TENM2: variants seen among roughly 807,000 people sequenced by gnomAD.
The protein encoded by TENM2 is teneurin-2.
Under a neutral mutation model 245.2 loss-of-function variants are expected in TENM2, and 52 were observed. That is an observed-to-expected ratio of 0.21 (90% confidence interval 0.17 to 0.27). The LOEUF (loss-of-function observed/expected upper bound fraction) is 0.27. Among genes scored for constraint, TENM2 ranks in the 10% least tolerant of loss-of-function variants. TENM2 has a pLI of 1.00. For missense variants in TENM2, 3,046 were observed against 3,666.8 expected, an observed-to-expected ratio of 0.83 and a Z score of 4.37; for synonymous variants, 1,363 against 1,438.9, an observed-to-expected ratio of 0.95 and a Z score of 1.19.
At chr5:168,012,340 A>T (rs1269004172) in intron 5 of TENM2, among the ~76,000 whole-genome samples, 1 of 152,124 alleles carries the variant, frequency 6.6e-6, no homozygotes, top group Non-Finnish European at 1.5e-5. Flanking sequence ...AAAAAGAAAT[A>T]CACTTCAAAA....
Position 167,755,236 on chromosome 5 carries a change from C to G in TENM2, c.503-120750C>G, listed in dbSNP as rs762703457. On this transcript the variant is annotated intron_variant, in intron 2 of 28. Transcript: ENST00000518659. ...CATGCAGATGGGGTTTTGCAAGCAC[C>G]TGTCCTCACTGACAGGGTAGTTGGA... 4.2e-6 allele frequency: 6 copies of G among 1,429,018 alleles called. No individual in the cohort carries two copies. In the East Asian group the frequency reaches 1.4e-4, roughly 33 times the overall value. 88.5% of individuals were successfully genotyped at this position (1,429,018 alleles called of 1,614,324 possible).
chr5:168,218,880 C>A lies in TENM2; in HGVS notation c.4989C>A (p.Thr1663=), dbSNP rs747919906. The A allele has an allele frequency of 1.2e-6, 2 of 1,613,956 alleles. No individual in the cohort carries two copies. The highest frequency in any genetic ancestry group is 1.7e-5 in the Admixed American group (1 of 60,018). The change falls in exon 23 of 29, where the codon ACC becomes ACA. Residue 1663 remains threonine, a synonymous_variant. Coordinates refer to ENST00000518659, the Ensembl canonical transcript of TENM2. The surrounding 1 kb of genome is among the most constrained non-coding windows in gnomAD (Gnocchi z 5.2). ...AGATCATCACCCTCACCGTGGGCAC[C>A]AATGGAGGCCTCAAAGTCGTGTCCA...
At chr5:167,140,594 A>C in the TENM2 span, among the ~76,000 whole-genome samples, 1 of 152,192 alleles carries the variant, frequency 6.6e-6, no homozygotes, top group Admixed American at 6.5e-5. Flanking sequence ...AAACTGACAT[A>C]ATGCTGAACT....
At chr5:168,076,617 T>G (rs1791501538) in intron 7 of TENM2, among the ~76,000 whole-genome samples, 1 of 152,218 alleles carries the variant, frequency 6.6e-6, no homozygotes, top group Non-Finnish European at 1.5e-5. Flanking sequence ...GAACCTTGTC[T>G]GTATCATTCA....
At chr5:167,798,660 G>A (rs1040867244) in intron 2 of TENM2, among the ~76,000 whole-genome samples, 5 of 152,130 alleles carry the variant, frequency 3.3e-5, no homozygotes, top group Non-Finnish European at 2.9e-5. Context: ...GCCTAGGGCC[G>A]GCCCTGCTTC....
At chr5:168,066,881 T>G (rs1790554966) in intron 7 of TENM2, among the ~76,000 whole-genome samples, 1 of 152,218 alleles carries the variant, frequency 6.6e-6, no homozygotes, top group Admixed American at 6.5e-5. Context: ...CTGACCTGGC[T>G]ACAGTGCTAG....
rs536259917 is a variant in TENM2, at chr5:167,670,292, T to C, written c.503-205694T>C. On this transcript the variant is annotated intron_variant, in intron 2 of 28. Coordinates refer to ENST00000518659, the Ensembl canonical transcript of TENM2. Reference sequence around the variant, plus strand: ...TCTTTGAAATTTTAAGGATCAAAACTCCCAAGGTGTCCAGAGATAAGTACA... The same window carrying C: ...TCTTTGAAATTTTAAGGATCAAAACCCCCAAGGTGTCCAGAGATAAGTACA... Among the ~76,000 whole-genome samples, 11 of 152,276 alleles carry C rather than the reference T, an allele frequency of 7.2e-5. No homozygotes were observed. In the South Asian group the frequency reaches 2.1e-3, roughly 29 times the overall value.
At chr5:166,993,253 T>A in the TENM2 span, among the ~76,000 whole-genome samples, 3 of 152,048 alleles carry the variant, frequency 2.0e-5, no homozygotes, top group African/African-American at 7.2e-5. Flanking sequence ...TGCAGAGCTA[T>A]TTTATGGATA....
At chr5:167,053,660 T>C in the TENM2 span, among the ~76,000 whole-genome samples, 1 of 152,084 alleles carries the variant, frequency 6.6e-6, no homozygotes, top group Non-Finnish European at 1.5e-5. Flanking sequence ...CACTTGACTT[T>C]AGGAGTTTGA....
the TENM2 span, among the ~76,000 whole-genome samples, chr5:167,240,258 C>CTT: frequency 2.1e-5 from 3 of 141,660 alleles, no homozygotes; most frequent in South Asian, 2.2e-4. Context: ...GGTAGGTGGC[C>CTT]TTTTTTTTTT....
At chr5:167,468,462 G>A (rs1766809409) in intron 2 of TENM2, among the ~76,000 whole-genome samples, 1 of 152,210 alleles carries the variant, frequency 6.6e-6, no homozygotes, top group African/African-American at 2.4e-5. Flanking sequence ...TGTCCATCAT[G>A]TGTTGAAAAT....
the TENM2 span, among the ~76,000 whole-genome samples, chr5:166,989,864 C>T: frequency 6.7e-6 from 1 of 149,008 alleles, no homozygotes; most frequent in Admixed American, 6.8e-5. Context: ...GGTATTAAGC[C>T]GAATACTTTT....
chr5:167,402,925 C>T (rs1018943713), intron 2 of TENM2, among the ~76,000 whole-genome samples: 1 of 151,988 alleles, frequency 6.6e-6, no homozygotes, highest in Non-Finnish European at 1.5e-5. Flanking sequence ...TTTGGTCTGT[C>T]TCTGTAGTCT....
chr5:167,806,524 CT>C (rs1766187359), intron 2 of TENM2, among the ~76,000 whole-genome samples: 2 of 152,082 alleles, frequency 1.3e-5, no homozygotes, highest in African/African-American at 4.8e-5. Flanking sequence ...TCCCTATTGC[CT>C]TTCACTACGT....
chr5:168,199,542 G>T (rs1043744325), intron 16 of TENM2, among the ~76,000 whole-genome samples: 4 of 152,198 alleles, frequency 2.6e-5, no homozygotes, highest in African/African-American at 9.7e-5. Flanking sequence ...GCCTCTCGTG[G>T]CCTCCTTGCA....
intron 2 of TENM2, among the ~76,000 whole-genome samples, chr5:167,801,139 T>A (rs1453161598): frequency 2.1e-4 from 22 of 104,924 alleles, no homozygotes; most frequent in Middle Eastern, 5.1e-3. Context: ...TATATATATA[T>A]ATATATATAT....
intron 2 of TENM2, among the ~76,000 whole-genome samples, chr5:167,700,894 T>G (rs1396219587): frequency 6.8e-6 from 1 of 146,680 alleles, no homozygotes; most frequent in Admixed American, 7.1e-5. Flanking sequence ...AAAATAAAAT[T>G]GCGTTCAGAA....
chr5:167,804,718 A>G (rs1766023544), intron 2 of TENM2, among the ~76,000 whole-genome samples: 1 of 152,130 alleles, frequency 6.6e-6, no homozygotes, highest in South Asian at 2.1e-4. Context: ...TCAAGAGCAC[A>G]CTTTATAACA....
chr5:167,825,347 C>T (rs1219653329), intron 2 of TENM2, among the ~76,000 whole-genome samples: 4 of 152,034 alleles, frequency 2.6e-5, no homozygotes, highest in African/African-American at 9.7e-5. Context: ...CCTCATCAGC[C>T]ATTTAACTTT....
Sources: gnomAD v4.1 joint callset for allele counts (sites outside exome capture counted in the v4.1 genomes callset) on GRCh38, gnomAD v4.1.1 for gene constraint, Gnocchi (gnomAD v3.1) non-coding constraint, MANE v1.5 for transcripts, NCBI Gene and HGNC (gene_info 2026-07-23, HGNC 2026-07-21) for gene names.